Variants in TRPS1 observed in about 807,000 individuals in gnomAD.
TRPS1 encodes the protein transcriptional repressor GATA binding 1, also known as zinc finger transcription factor Trps1.
In TRPS1, 6 loss-of-function variants were observed where a neutral mutation model predicts 101.2. The observed-to-expected ratio is 0.06, with a 90% CI of 0.03 to 0.12. The LOEUF is 0.12. Ranked by LOEUF, TRPS1 falls within the 10% of genes least tolerant of loss-of-function variation. The pLI is 1.00. For synonymous variants in TRPS1, 578 were observed against 589.8 expected, an observed-to-expected ratio of 0.98 and a Z score of 0.29; for missense variants, 1,363 against 1,567.0, an observed-to-expected ratio of 0.87 and a Z score of 2.20.
chr8:115,542,550 A>G (rs1816478510), intron 5 of TRPS1, among the ~76,000 whole-genome samples: 1 of 152,086 alleles, frequency 6.6e-6, no homozygotes, highest in African/African-American at 2.4e-5. Context: ...AGAAATAAAG[A>G]CGGGGAGATG....
chr8:115,552,091 G>A (rs1458250764), intron 5 of TRPS1, among the ~76,000 whole-genome samples: 17 of 152,132 alleles, frequency 1.1e-4, no homozygotes, highest in Admixed American at 9.8e-4. Flanking sequence ...CAATTACTCA[G>A]GTTGTACTGC....
intron 6 of TRPS1, among the ~76,000 whole-genome samples, chr8:115,416,162 GCTAA>G (rs1451257721): frequency 6.6e-6 from 1 of 151,972 alleles, no homozygotes; most frequent in African/African-American, 2.4e-5. Context: ...TAAAGTAAGT[GCTAA>G]CTTTCATTCA....
intron 5 of TRPS1, among the ~76,000 whole-genome samples, chr8:115,521,647 G>A (rs565972058): frequency 7.9e-5 from 12 of 151,648 alleles, no homozygotes; most frequent in East Asian, 5.8e-4. Flanking sequence ...TTCATCTAAC[G>A]TTCCCAGAAT....
chr8:115,524,539 T>C (rs545371939), intron 5 of TRPS1, among the ~76,000 whole-genome samples: 4 of 152,148 alleles, frequency 2.6e-5, no homozygotes, highest in African/African-American at 9.6e-5. Flanking sequence ...CAGGCTGGTC[T>C]CGAACTCCTG....
chr8:115,619,488 AAGGCACTTGTGGGTTTTTTG>A lies in TRPS1; in HGVS notation c.590_609del (p.Ser197PhefsTer9). Reference sequence around the variant, plus strand: ...TTATTCAGTCTTACACCCCCATCTGAAGGCACTTGTGGGTTTTTTGAGGCCACTGAAACTGGGCTCAAACC... The same window carrying A: ...TTATTCAGTCTTACACCCCCATCTGAAGGCCACTGAAACTGGGCTCAAACC... On this transcript the variant is annotated frameshift_variant, in exon 3 of 7. Transcript: ENST00000395715. LOFTEE classifies it high-confidence loss of function. The A allele has an allele frequency of 6.2e-7, 1 of 1,614,150 alleles. No individual in the cohort carries two copies. The highest frequency in any genetic ancestry group is 8.5e-7 in the Non-Finnish European group (1 of 1,180,008).
At chr8:115,521,823 T>A (rs1268636921) in intron 5 of TRPS1, among the ~76,000 whole-genome samples, 2 of 151,934 alleles carry the variant, frequency 1.3e-5, no homozygotes, top group African/African-American at 4.8e-5. Context: ...ATGACATTTT[T>A]TATAATTTTG....
At chr8:115,654,152 G>A (rs1811627442) in intron 1 of TRPS1, among the ~76,000 whole-genome samples, 1 of 152,156 alleles carries the variant, frequency 6.6e-6, no homozygotes. Flanking sequence ...AACAAAGTAT[G>A]ATTAAAATTA....
intron 5 of TRPS1, among the ~76,000 whole-genome samples, chr8:115,550,326 C>A (rs1022626054): frequency 1.3e-5 from 2 of 152,084 alleles, no homozygotes; most frequent in African/African-American, 4.8e-5. Context: ...GCTATGATGC[C>A]AAAGCATTCC....
intron 5 of TRPS1, among the ~76,000 whole-genome samples, chr8:115,527,818 TA>T (rs1171233129): frequency 1.3e-5 from 2 of 152,106 alleles, no homozygotes; most frequent in Non-Finnish European, 2.9e-5. Context: ...AGGGTTGAGA[TA>T]AACTGTTCCT....
intron 5 of TRPS1, among the ~76,000 whole-genome samples, chr8:115,466,661 G>A (rs566417881): frequency 6.6e-6 from 1 of 152,144 alleles, no homozygotes; most frequent in African/African-American, 2.4e-5. Flanking sequence ...AAAGAGAAGG[G>A]GGGCGGGGCA....
intron 1 of TRPS1, chr8:115,637,448 C>G (rs569203068): frequency 8.4e-6 from 3 of 357,242 alleles, no homozygotes; most frequent in Non-Finnish European, 1.2e-5. Flanking sequence ...CAACTCTGAT[C>G]GTAAAAGGAA....
intron 3 of TRPS1, among the ~76,000 whole-genome samples, chr8:115,618,048 T>G (rs1445496449): frequency 1.3e-5 from 2 of 152,228 alleles, no homozygotes; most frequent in Non-Finnish European, 2.9e-5. Flanking sequence ...TTGCCTGCTT[T>G]TCTTAATTGG....
chr8:115,545,455 C>A (rs1816547867), intron 5 of TRPS1, among the ~76,000 whole-genome samples: 1 of 152,008 alleles, frequency 6.6e-6, no homozygotes, highest in Admixed American at 6.6e-5. Context: ...AATTCATATC[C>A]CTTCTTCACT....
chr8:115,585,616 CAACA>C (rs1817545298), intron 5 of TRPS1, among the ~76,000 whole-genome samples: 1 of 152,082 alleles, frequency 6.6e-6, no homozygotes, highest in African/African-American at 2.4e-5. Context: ...GCTGAGAAAA[CAACA>C]AATATTGACA....
At chr8:115,524,229 T>C (rs1357503315) in intron 5 of TRPS1, among the ~76,000 whole-genome samples, 1 of 152,070 alleles carries the variant, frequency 6.6e-6, no homozygotes, top group Non-Finnish European at 1.5e-5. Flanking sequence ...TCAGCAATAA[T>C]TGGCATGTGC....
intron 5 of TRPS1, among the ~76,000 whole-genome samples, chr8:115,522,553 T>C (rs1815891988): frequency 6.6e-6 from 1 of 152,074 alleles, no homozygotes; most frequent in South Asian, 2.1e-4. Context: ...TGAGTACAAG[T>C]TGTGTAAGAG....
At chr8:115,603,812 T>G in intron 4 of TRPS1, 61 bp downstream of exon 4, 2 of 1,590,482 alleles carry the variant, frequency 1.3e-6, no homozygotes, top group Non-Finnish European at 1.7e-6. Flanking sequence ...GCCCTCTTTC[T>G]ATGGATTTTT....
rs533365956 is a variant in TRPS1, at chr8:115,548,522, G to A, written c.2700+38479C>T. 2.0e-5 allele frequency among the ~76,000 whole-genome samples: 3 copies of A among 152,024 alleles called. No homozygotes were observed. In the East Asian group the frequency reaches 5.9e-4, roughly 30 times the overall value. On this transcript the variant is annotated intron_variant, in intron 5 of 6. Coordinates refer to ENST00000395715, the MANE Select transcript of TRPS1 (RefSeq NM_014112.5). ...CACGCCCTGCTGATCGCGAACTCCT[G>A]ATTCTGCCCACCTCAGCCTCCCAAA...
chr8:115,441,863 G>C (rs1217332798), intron 5 of TRPS1, among the ~76,000 whole-genome samples: 2 of 139,816 alleles, frequency 1.4e-5, no homozygotes, highest in Non-Finnish European at 3.1e-5. Flanking sequence ...TCCCAATTGA[G>C]AGTGAGAGAG....
Sources: gnomAD v4.1 joint callset for allele counts (sites outside exome capture counted in the v4.1 genomes callset) on GRCh38, gnomAD v4.1.1 for gene constraint, MANE v1.5 for transcripts, NCBI Gene and HGNC (gene_info 2026-07-23, HGNC 2026-07-21) for gene names.